Variants in MAN2A1 observed in about 807,000 individuals in gnomAD.
MAN2A1 encodes mannosidase alpha class 2A member 1, also known as alpha-mannosidase 2.
A neutral mutation model predicts 142.6 loss-of-function variants in MAN2A1; 76 were observed. The ratio of observed to expected loss-of-function variants is 0.53; its 90% CI spans 0.44 to 0.65. The LOEUF (loss-of-function observed/expected upper bound fraction) is 0.65, where lower values mean the gene tolerates loss of function less well. Among genes scored for constraint, MAN2A1 ranks in the 30% least tolerant of loss-of-function variants. The pLI, the probability that MAN2A1 is intolerant of heterozygous loss-of-function variation, is 0.00. For synonymous variants in MAN2A1, 559 were observed against 473.2 expected (o/e 1.18, Z -2.35); for missense variants, 1,311 against 1,365.1 (o/e 0.96, Z 0.62).
At chr5:109,713,918 C>T in intron 2 of MAN2A1, 144 bp downstream of exon 2, 3 of 687,648 alleles carry the variant, frequency 4.4e-6, no homozygotes, top group Non-Finnish European at 7.1e-6. Flanking sequence ...TTTGATTAGT[C>T]ACATGAACAT....
chr5:109,861,000 T>C (rs1224902717), intron 20 of MAN2A1, among the ~76,000 whole-genome samples: 2 of 152,220 alleles, frequency 1.3e-5, no homozygotes, highest in Non-Finnish European at 2.9e-5. Flanking sequence ...TAGGTATCTA[T>C]GAGCACAAAT....
chr5:109,860,302 C>T (rs148949775), intron 20 of MAN2A1, among the ~76,000 whole-genome samples: 2 of 152,250 alleles, frequency 1.3e-5, no homozygotes, highest in South Asian at 2.1e-4. Context: ...TATTATTGGA[C>T]ATTTTAATGA....
At chr5:109,746,892 A>C (rs538863703) in intron 4 of MAN2A1, among the ~76,000 whole-genome samples, 1 of 152,260 alleles carries the variant, frequency 6.6e-6, no homozygotes, top group East Asian at 1.9e-4. Context: ...GCCTTACTTC[A>C]TTCAGCATAG....
intron 16 of MAN2A1, among the ~76,000 whole-genome samples, chr5:109,828,104 CAAA>C (rs751087391): frequency 4.3e-5 from 4 of 92,788 alleles, no homozygotes. Context: ...GACTCTGTCT[CAAA>C]AAAAAAAAAA....
At chr5:109,823,521 C>G (rs1374423717) in intron 15 of MAN2A1, among the ~76,000 whole-genome samples, 1 of 152,068 alleles carries the variant, frequency 6.6e-6, no homozygotes, top group Admixed American at 6.5e-5. Context: ...TTTTTATTTC[C>G]TATTTTCAGC....
At chr5:109,864,845 C>T (rs1755839029) in intron 20 of MAN2A1, 191 bp from the exon 21 acceptor site, 2 of 568,664 alleles carry the variant, frequency 3.5e-6, no homozygotes, top group Non-Finnish European at 3.2e-6. Context: ...TTACCTGGCT[C>T]AGTACAAGTA....
intron 20 of MAN2A1, chr5:109,862,875 G>A (rs1383769854): frequency 1.3e-5 from 2 of 152,134 alleles, no homozygotes; most frequent in Non-Finnish European, 2.9e-5. Flanking sequence ...AGTTTTGAGA[G>A]AAAGTATAAC....
At chr5:109,807,410 T>A (rs963128354) in intron 12 of MAN2A1, among the ~76,000 whole-genome samples, 40 of 152,242 alleles carry the variant, frequency 2.6e-4, no homozygotes, top group African/African-American at 9.4e-4. Flanking sequence ...AAATTTATTA[T>A]CTTATAGTTT....
chr5:109,786,105 A>G (rs143426286), intron 10 of MAN2A1, among the ~76,000 whole-genome samples: 1,617 of 152,198 alleles, frequency 0.011, 25 homozygotes, highest in African/African-American at 0.037. Flanking sequence ...TATCTTGAAT[A>G]TCTTCTCCAT....
At chr5:109,777,597 G>GT (rs1487300802) in intron 8 of MAN2A1, among the ~76,000 whole-genome samples, 2 of 151,686 alleles carry the variant, frequency 1.3e-5, no homozygotes, top group Non-Finnish European at 2.9e-5. Context: ...TTTTCTTTAT[G>GT]TTTAGAACTT....
intron 16 of MAN2A1, among the ~76,000 whole-genome samples, chr5:109,826,325 G>T (rs74475605): frequency 6.6e-6 from 1 of 152,110 alleles, no homozygotes; most frequent in African/African-American, 2.4e-5. Context: ...AACTTAGAGC[G>T]CCTCACTGAT....
intron 4 of MAN2A1, among the ~76,000 whole-genome samples, chr5:109,751,177 CCTT>C (rs1352528917): frequency 6.6e-6 from 1 of 151,978 alleles, no homozygotes; most frequent in East Asian, 1.9e-4. Flanking sequence ...TGGTGTCTGT[CCTT>C]CTACTCTCCA....
At chr5:109,760,719 C>G (rs1302191848) in intron 5 of MAN2A1, among the ~76,000 whole-genome samples, 1 of 152,130 alleles carries the variant, frequency 6.6e-6, no homozygotes, top group Admixed American at 6.5e-5. Flanking sequence ...TTGTATTTCT[C>G]TAATGACCAG....
intron 3 of MAN2A1, among the ~76,000 whole-genome samples, chr5:109,723,544 A>G (rs1434722553): frequency 6.6e-6 from 1 of 152,054 alleles, no homozygotes; most frequent in Non-Finnish European, 1.5e-5. Context: ...AGAATTTTGC[A>G]GTGGTCTCAT....
At chr5:109,729,838 C>G (rs557297298) in intron 4 of MAN2A1, among the ~76,000 whole-genome samples, 44 of 151,978 alleles carry the variant, frequency 2.9e-4, no homozygotes, top group Non-Finnish European at 1.9e-4. Context: ...ACTAAAAATA[C>G]AAAAAAATTA....
At chr5:109,723,027 A>T (rs1751648095) in intron 3 of MAN2A1, among the ~76,000 whole-genome samples, 1 of 152,140 alleles carries the variant, frequency 6.6e-6, no homozygotes, top group South Asian at 2.1e-4. Context: ...TTGATCACAC[A>T]ATTGCAGCTA....
At chr5:109,738,907 G>A (rs148781950) in intron 4 of MAN2A1, among the ~76,000 whole-genome samples, 1,664 of 151,984 alleles carry the variant, frequency 0.011, 36 homozygotes, top group African/African-American at 0.036. Context: ...GCAGTGGTAT[G>A]ATCACAGCTC....
chr5:109,752,481 C>G (rs1561493638), intron 4 of MAN2A1, among the ~76,000 whole-genome samples: 1 of 152,208 alleles, frequency 6.6e-6, no homozygotes, highest in African/African-American at 2.4e-5. Context: ...CTAGTCCATG[C>G]TCTCTTGGAG....
intron 8 of MAN2A1, among the ~76,000 whole-genome samples, chr5:109,776,638 G>T (rs1480850376): frequency 6.6e-6 from 1 of 152,102 alleles, no homozygotes; most frequent in Non-Finnish European, 1.5e-5. Flanking sequence ...ATACATAGAA[G>T]AAGTGGACAA....
Sources: gnomAD v4.1 joint callset for allele counts (sites outside exome capture counted in the v4.1 genomes callset) on GRCh38, gnomAD v4.1.1 for gene constraint, MANE v1.5 for transcripts, NCBI Gene and HGNC (gene_info 2026-07-23, HGNC 2026-07-21) for gene names.